PCLO: variants seen among roughly 807,000 people sequenced by gnomAD.
The protein encoded by PCLO is protein piccolo.
A neutral mutation model predicts 427.5 loss-of-function variants in PCLO; 82 were observed. The observed-to-expected ratio is 0.19, with a 90% confidence interval of 0.16 to 0.23. The LOEUF (loss-of-function observed/expected upper bound fraction) is 0.23, where lower values mean the gene tolerates loss of function less well. Ranked by LOEUF, PCLO falls within the 10% of genes least tolerant of loss-of-function variation. PCLO has a pLI of 1.00. For synonymous variants in PCLO, 2,357 were observed against 2,155.4 expected, an observed-to-expected ratio of 1.09 and a Z score of -2.59; for missense variants, 6,239 against 6,115.9, an observed-to-expected ratio of 1.02 and a Z score of -0.67.
intron 3 of PCLO, among the ~76,000 whole-genome samples, chr7:82,998,866 T>C (rs1787702739): frequency 6.6e-6 from 1 of 151,820 alleles, no homozygotes; most frequent in South Asian, 2.1e-4. Flanking sequence ...TGGCAGAATG[T>C]TGCAATGATC....
At chr7:82,863,172 C>T (rs559030788) in intron 10 of PCLO, among the ~76,000 whole-genome samples, 3 of 151,956 alleles carry the variant, frequency 2.0e-5, no homozygotes, top group Non-Finnish European at 2.9e-5. Context: ...TTATACTTTG[C>T]TTACTTTGCT....
chr7:83,101,942 T>C (rs1162417435), intron 3 of PCLO, among the ~76,000 whole-genome samples: 1 of 152,076 alleles, frequency 6.6e-6, no homozygotes, highest in Non-Finnish European at 1.5e-5. Context: ...ATTTTGTGAC[T>C]CAGAGTCAAA....
At chr7:83,126,141 A>C (rs914842302) in intron 3 of PCLO, among the ~76,000 whole-genome samples, 1 of 152,204 alleles carries the variant, frequency 6.6e-6, no homozygotes, top group Non-Finnish European at 1.5e-5. Context: ...CAAATTTCTT[A>C]TATTCTCACT....
chr7:83,063,344 T>G (rs1770268191), intron 3 of PCLO, among the ~76,000 whole-genome samples: 1 of 152,074 alleles, frequency 6.6e-6, no homozygotes, highest in Non-Finnish European at 1.5e-5. Context: ...TTTTGTTAAT[T>G]CCTGAAAATA....
chr7:82,853,501 A>C (rs1025169585), intron 10 of PCLO, among the ~76,000 whole-genome samples: 1 of 152,150 alleles, frequency 6.6e-6, no homozygotes, highest in Non-Finnish European at 1.5e-5. Flanking sequence ...GTTTATTGAA[A>C]ATGAAATCTT....
intron 7 of PCLO, chr7:82,914,478 G>C (rs1040860254): frequency 1.6e-6 from 1 of 638,290 alleles, no homozygotes; most frequent in African/African-American, 1.8e-5. Flanking sequence ...GAACAATAAA[G>C]GAATAAAGTA....
intron 6 of PCLO, among the ~76,000 whole-genome samples, chr7:82,934,520 T>C (rs921206961): frequency 3.3e-5 from 5 of 151,832 alleles, no homozygotes; most frequent in East Asian, 3.9e-4. Flanking sequence ...TGAAAACATA[T>C]GATAATTGCT....
chr7:82,783,898 TTAATTATATA>T (rs1790928875), intron 22 of PCLO, among the ~76,000 whole-genome samples: 3 of 150,628 alleles, frequency 2.0e-5, no homozygotes, highest in African/African-American at 7.4e-5. Flanking sequence ...CCTTGTTATT[TTAATTATATA>T]TAATTATATA....
rs536347153 is a variant in PCLO at position 82,904,129 on chromosome 7, G to A, written c.13438-1388C>T. 1.1e-4 allele frequency among the ~76,000 whole-genome samples: 16 copies of A among 151,990 alleles called. No homozygotes were observed. In the South Asian group the frequency reaches 2.9e-3, roughly 28 times the overall value. ...TGTTTACTAAATTATAAAAATATTA[G>A]GGTAAGTATAATAAGTCAATTCAGA... is the stretch of plus-strand genomic sequence containing the variant. On this transcript the variant is annotated intron_variant, in intron 8 of 24. Coordinates refer to ENST00000333891, the MANE Select transcript of PCLO (RefSeq NM_033026.6).
chr7:82,844,455 C>G (rs1792448229), intron 13 of PCLO, among the ~76,000 whole-genome samples: 1 of 152,122 alleles, frequency 6.6e-6, no homozygotes, highest in Non-Finnish European at 1.5e-5. Context: ...TTGGTGACAT[C>G]TGCTGTATTT....
chr7:82,954,119 T>C lies in PCLO; in HGVS notation c.6834A>G (p.Val2278=). ...DMASSIIESV[V]PKPEGPVADT... is the part of the protein sequence containing the mutation. ...CAGCAACTGGCCCTTCAGGTTTAGG[T>C]ACTACAGATTCTATGATAGAAGATG... The change falls in exon 5 of 25, where the codon GTA becomes GTG. Residue 2278 remains valine (V), a synonymous_variant. Transcript: ENST00000333891. 1 of 1,613,906 alleles carries C rather than the reference T, an allele frequency of 6.2e-7. No individual in the cohort carries two copies. Among genetic ancestry groups the C allele is most frequent in the Non-Finnish European group, 8.5e-7 (1 of 1,179,842 alleles).
rs372460152 is a variant in PCLO at position 82,787,188 on chromosome 7, T to C, written c.15007+14330A>G. 1.1e-4 allele frequency among the ~76,000 whole-genome samples: 16 copies of C among 152,230 alleles called. No homozygotes were observed. The South Asian group carries it at 3.1e-3, about 30-fold the overall frequency. On this transcript the variant is annotated intron_variant, in intron 22 of 24. Transcript: ENST00000333891. ...CTGTCTTCCACAATGGTTGAACTAA[T>C]TTACACTCCCACCAAGACTGTAAAA...
chr7:82,760,560 T>C, intron 24 of PCLO, 79 bp downstream of exon 24: 1 of 934,730 alleles, frequency 1.1e-6, no homozygotes, highest in Non-Finnish European at 1.6e-6. Flanking sequence ...GATCAGTATA[T>C]AAATATTGAA....
chr7:83,118,485 C>T (rs1791189176), intron 3 of PCLO, among the ~76,000 whole-genome samples: 1 of 152,066 alleles, frequency 6.6e-6, no homozygotes, highest in African/African-American at 2.4e-5. Flanking sequence ...CAACACCTCC[C>T]TCCCACCCCA....
intron 3 of PCLO, among the ~76,000 whole-genome samples, chr7:83,040,740 T>A (rs538735601): frequency 1.2e-4 from 18 of 152,238 alleles, no homozygotes; most frequent in Non-Finnish European, 1.8e-4. Context: ...TTACAAATGA[T>A]GTCAGTTTCT....
chr7:83,135,621 T>C lies in PCLO; in HGVS notation c.1929A>G (p.Lys643=), dbSNP rs552208558. 1.9e-6 allele frequency: 3 copies of C among 1,609,422 alleles called. No individual in the cohort carries two copies. The East Asian group carries it at 6.7e-5, about 36-fold the overall frequency. ...GAGCCAGATCCCCGCCTAGAGCTCT[T>C]TTCATTTGACAGTTCAAACAGAGCC... ...KEWLCLNCQM[K]RALGGDLAPV... Residue 643 remains lysine (K), a synonymous_variant, in exon 3 of 25, where the codon AAA becomes AAG. Coordinates refer to ENST00000333891, the MANE Select transcript of PCLO (RefSeq NM_033026.6).
chr7:82,765,353 CAAAAT>C (rs1459296963), intron 22 of PCLO, among the ~76,000 whole-genome samples: 1 of 150,136 alleles, frequency 6.7e-6, no homozygotes, highest in Admixed American at 6.6e-5. Flanking sequence ...AAAGGAACAA[CAAAAT>C]AAAATAAAAG....
At chr7:82,978,215 A>G (rs1048641571) in intron 3 of PCLO, among the ~76,000 whole-genome samples, 13 of 151,170 alleles carry the variant, frequency 8.6e-5, no homozygotes, top group Non-Finnish European at 1.5e-5. Context: ...TGAGCCACCA[A>G]TGTATACTCT....
chr7:82,953,914 CAGA>C lies in PCLO; in HGVS notation c.7036_7038del (p.Ser2346del). The C allele has an allele frequency of 1.2e-6, 2 of 1,613,884 alleles. No individual in the cohort carries two copies. Among genetic ancestry groups the C allele is most frequent in the African/African-American group, 1.3e-5 (1 of 75,032 alleles). ...TGCTCTTTCATTGGAAGGGCTATTA[CAGA>C]AGAAGGTGGGTGATCAAACACGGTT... On this transcript the variant is annotated inframe_deletion, in exon 5 of 25. Transcript: ENST00000333891.
Sources: gnomAD v4.1 joint callset for allele counts (sites outside exome capture counted in the v4.1 genomes callset) on GRCh38, gnomAD v4.1.1 for gene constraint, MANE v1.5 for transcripts, NCBI Gene and HGNC (gene_info 2026-07-23, HGNC 2026-07-21) for gene names.